Variants in ENAH observed in about 807,000 individuals in gnomAD.
The protein encoded by ENAH is ENAH actin regulator.
A neutral mutation model predicts 78.7 loss-of-function variants in ENAH; 23 were observed. The observed-to-expected ratio is 0.29, with a 90% CI of 0.21 to 0.41. ENAH has a LOEUF of 0.41. Ranked by LOEUF, ENAH falls within the 10% of genes least tolerant of loss-of-function variation. The pLI is 1.00. For synonymous variants in ENAH, 226 were observed against 241.0 expected, an observed-to-expected ratio of 0.94 and a Z score of 0.58; for missense variants, 544 against 691.0, an observed-to-expected ratio of 0.79 and a Z score of 2.39.
At chr1:225,601,249 G>A (rs1034247742) in intron 1 of ENAH, among the ~76,000 whole-genome samples, 5 of 152,188 alleles carry the variant, frequency 3.3e-5, no homozygotes, top group East Asian at 1.9e-4. Context: ...GGCCAGGCAC[G>A]GTGGCTCACG....
chr1:225,584,998 T>G (rs777307705), intron 1 of ENAH, among the ~76,000 whole-genome samples: 9 of 152,086 alleles, frequency 5.9e-5, no homozygotes, highest in Non-Finnish European at 1.2e-4. Context: ...GTGGATCATT[T>G]GAGGTCAGGA....
intron 10 of ENAH, among the ~76,000 whole-genome samples, chr1:225,508,228 G>T (rs1316810023): frequency 6.6e-6 from 1 of 152,048 alleles, no homozygotes; most frequent in African/African-American, 2.4e-5. Context: ...AGCTAGTACA[G>T]TAAGTTTCCA....
rs1482787334 is a variant in ENAH, at chr1:225,497,209, T to TATTA, written c.*562_*565dup. 1 of 152,664 alleles carries TATTA rather than the reference T, an allele frequency of 6.6e-6. No homozygotes were observed. The highest frequency in any genetic ancestry group is 1.5e-5 in the Non-Finnish European group (1 of 68,046). The allele number at this position is 152,664 out of a possible 1,614,324, so 9.5% of individuals were successfully genotyped here. A position where few individuals can be genotyped will look rare whatever the true frequency, so the allele number is the denominator to read the frequency against. On this transcript the variant is annotated 3_prime_UTR_variant, in exon 14 of 14. Transcript: ENST00000366843. ...CATTTTTCGGACACTTTCTTATAAA[T>TATTA]ATTACCCTTTGAAAGCACTTACAAT...
At chr1:225,612,218 G>C (rs995486109) in intron 1 of ENAH, among the ~76,000 whole-genome samples, 86 of 152,190 alleles carry the variant, frequency 5.7e-4, no homozygotes, top group African/African-American at 2.1e-3. Flanking sequence ...TCAAAATGTG[G>C]TATATCCAAA....
At chr1:225,542,878 G>C (rs978985788) in intron 3 of ENAH, among the ~76,000 whole-genome samples, 1 of 152,080 alleles carries the variant, frequency 6.6e-6, no homozygotes, top group Non-Finnish European at 1.5e-5. Flanking sequence ...AATGAGCTGG[G>C]TGTGGTGGCA....
chr1:225,642,810 T>G (rs978740709), intron 1 of ENAH, among the ~76,000 whole-genome samples: 1 of 152,044 alleles, frequency 6.6e-6, no homozygotes, highest in African/African-American at 2.4e-5. Context: ...TGAACAGACA[T>G]CCACACAAAA....
intron 1 of ENAH, among the ~76,000 whole-genome samples, chr1:225,580,912 C>CAAAAAAAAAAAAAAAAAAAAAAAAACA (rs78529288): frequency 1.6e-5 from 1 of 63,866 alleles, no homozygotes; most frequent in Non-Finnish European, 3.3e-5. Context: ...AGAAAAAAAC[C>CAAAAAAAAAAAAAAAAAAAAAAAAACA]AAAAAAAAAA....
At chr1:225,516,504 A>G (rs772186357) in intron 6 of ENAH, among the ~76,000 whole-genome samples, 2 of 152,206 alleles carry the variant, frequency 1.3e-5, no homozygotes, top group African/African-American at 2.4e-5. Context: ...AGTCTCCCAG[A>G]AAAATGAAGG....
intron 1 of ENAH, among the ~76,000 whole-genome samples, chr1:225,596,517 A>G (rs573739471): frequency 2.6e-5 from 4 of 152,310 alleles, no homozygotes; most frequent in South Asian, 2.1e-4. Flanking sequence ...TCTGATTAAG[A>G]AGGAGGAAGG....
Position 225,561,804 on chromosome 1 carries a change from T to C in ENAH, c.171+5445A>G, listed in dbSNP as rs536238688. On this transcript the variant is annotated intron_variant, in intron 2 of 13. Coordinates refer to ENST00000366843, the MANE Select transcript of ENAH (RefSeq NM_018212.6). ...GGTGACGTTCCATCTCACACATGCCTATACATTTTTAGCCTGACCATAACA... is the reference window on the plus strand; with the variant it reads ...GGTGACGTTCCATCTCACACATGCCCATACATTTTTAGCCTGACCATAACA... 7.2e-5 allele frequency among the ~76,000 whole-genome samples: 11 copies of C among 152,166 alleles called. No homozygotes were observed. The East Asian group carries it at 2.1e-3, about 30-fold the overall frequency.
intron 11 of ENAH, among the ~76,000 whole-genome samples, chr1:225,507,637 C>T (rs1228646023): frequency 1.3e-5 from 2 of 152,018 alleles, no homozygotes; most frequent in African/African-American, 2.4e-5. Context: ...AATGGGTATA[C>T]GCATATTCAC....
In ENAH at chr1:225,495,648, CAAAA is replaced by C. The variant is rs2096246601; in HGVS notation, c.*2123_*2126del. On this transcript the variant is annotated 3_prime_UTR_variant, in exon 14 of 14. Transcript: ENST00000366843. Reference sequence around the variant, plus strand: ...GACTATTTAACTTACCCAACAAAATCAAAAGAGGTTGCTGACCAGATTTATAGGG... The same window carrying C: ...GACTATTTAACTTACCCAACAAAATCGAGGTTGCTGACCAGATTTATAGGG... 1 of 152,286 alleles carries C rather than the reference CAAAA, an allele frequency of 6.6e-6. No individual in the cohort carries two copies. Among genetic ancestry groups the C allele is most frequent in the African/African-American group, 2.4e-5 (1 of 41,360 alleles). The allele number at this position is 152,286 out of a possible 1,614,324, so 9.4% of individuals were successfully genotyped here. A position where few individuals can be genotyped will look rare whatever the true frequency, so the allele number is the denominator to read the frequency against.
chr1:225,647,779 GCAGT>G (rs1405039048), intron 1 of ENAH, among the ~76,000 whole-genome samples: 7 of 152,078 alleles, frequency 4.6e-5, no homozygotes, highest in Admixed American at 2.0e-4. Flanking sequence ...AAAGAGCAAC[GCAGT>G]CAAAGTCAAA....
chr1:225,549,516 G>A (rs932861637), intron 3 of ENAH, among the ~76,000 whole-genome samples: 4 of 152,214 alleles, frequency 2.6e-5, no homozygotes, highest in South Asian at 4.2e-4. Context: ...CTAAGACCTC[G>A]GTACAAAAGC....
intron 4 of ENAH, 152 bp from the exon 5 acceptor site, chr1:225,519,717 A>G (rs2096452996): frequency 8.4e-7 from 1 of 1,193,248 alleles, no homozygotes; most frequent in Non-Finnish European, 1.2e-6. Context: ...GCTACCTTGG[A>G]TAGAGACTGT....
rs368289386 is a variant in ENAH, at chr1:225,537,046, G to T, written c.350-6408C>A. Reference sequence around the variant, plus strand: ...ATCTGTCTTACCGACGTTTGCAAATGGCTACTTCTATAAAACCTTTATTAA... The same window carrying T: ...ATCTGTCTTACCGACGTTTGCAAATTGCTACTTCTATAAAACCTTTATTAA... On this transcript the variant is annotated intron_variant, in intron 3 of 13. Coordinates refer to ENST00000366843, the MANE Select transcript of ENAH (RefSeq NM_018212.6). Among the ~76,000 whole-genome samples the T allele has an allele frequency of 1.1e-4, 17 of 151,812 alleles. No individual in the cohort carries two copies. The South Asian group carries it at 3.4e-3, about 30-fold the overall frequency.
chr1:225,575,144 A>G (rs936185722), intron 1 of ENAH, among the ~76,000 whole-genome samples: 1 of 152,096 alleles, frequency 6.6e-6, no homozygotes, highest in Non-Finnish European at 1.5e-5. Flanking sequence ...ACTGCTCCAC[A>G]CACACAGTCA....
At chr1:225,650,347 A>C (rs1662731932) in intron 1 of ENAH, among the ~76,000 whole-genome samples, 1 of 152,176 alleles carries the variant, frequency 6.6e-6, no homozygotes, top group East Asian at 1.9e-4. Flanking sequence ...CTCTCTCTAC[A>C]CTTCATAAGG....
chr1:225,624,274 G>GA (rs952304504), intron 1 of ENAH, among the ~76,000 whole-genome samples: 8 of 148,838 alleles, frequency 5.4e-5, no homozygotes, highest in East Asian at 2.0e-4. Flanking sequence ...CCTGTCTTTA[G>GA]AAAAAAAAAA....
Sources: gnomAD v4.1 joint callset for allele counts (sites outside exome capture counted in the v4.1 genomes callset) on GRCh38, gnomAD v4.1.1 for gene constraint, MANE v1.5 for transcripts, NCBI Gene and HGNC (gene_info 2026-07-23, HGNC 2026-07-21) for gene names.